RABGAP1L: variants seen among roughly 807,000 people sequenced by gnomAD.
RABGAP1L encodes rab GTPase-activating protein 1-like.
Under a neutral mutation model 137.7 loss-of-function variants are expected in RABGAP1L, and 63 were observed. That is an observed-to-expected ratio of 0.46 (90% CI 0.37 to 0.56). The LOEUF is 0.56. Ranked by LOEUF, RABGAP1L falls within the 20% of genes least tolerant of loss-of-function variation. RABGAP1L has a pLI of 0.00. For synonymous variants in RABGAP1L, 431 were observed against 433.7 expected (o/e 0.99, Z 0.08); for missense variants, 1,095 against 1,244.0 (o/e 0.88, Z 1.80).
intron 19 of RABGAP1L, among the ~76,000 whole-genome samples, chr1:174,900,006 G>A (rs1657880477): frequency 6.6e-6 from 1 of 152,120 alleles, no homozygotes; most frequent in South Asian, 2.1e-4. Context: ...ACAGAATTAT[G>A]GTTAATGAGT....
chr1:174,730,157 A>G (rs1032871968), intron 17 of RABGAP1L, among the ~76,000 whole-genome samples: 2 of 152,232 alleles, frequency 1.3e-5, no homozygotes, highest in East Asian at 3.8e-4. Context: ...TTAAAGCAAC[A>G]TGGATGCAGC....
chr1:174,907,496 G>A (rs1372322433), intron 19 of RABGAP1L, among the ~76,000 whole-genome samples: 3 of 151,768 alleles, frequency 2.0e-5, no homozygotes, highest in Admixed American at 1.3e-4. Flanking sequence ...TGTATTTTTT[G>A]TAGAGACATG....
intron 7 of RABGAP1L, among the ~76,000 whole-genome samples, chr1:174,261,104 C>T (rs184068307): frequency 4.6e-5 from 7 of 152,120 alleles, no homozygotes; most frequent in African/African-American, 1.7e-4. Context: ...TCACTCTTCT[C>T]AGGGGTCTGC....
At chr1:174,931,936 G>A (rs919984160) in intron 19 of RABGAP1L, among the ~76,000 whole-genome samples, 7 of 147,536 alleles carry the variant, frequency 4.7e-5, no homozygotes, top group Admixed American at 4.1e-4. Flanking sequence ...AGGCTTGCCT[G>A]CTTACCATTA....
At chr1:174,362,054 G>T (rs887916318) in intron 11 of RABGAP1L, among the ~76,000 whole-genome samples, 1 of 152,102 alleles carries the variant, frequency 6.6e-6, no homozygotes, top group Non-Finnish European at 1.5e-5. Context: ...CTGTTCCTGC[G>T]TTAGTTTGCT....
At position 174,448,884 on chromosome 1, in the gene RABGAP1L, G is replaced by T. The variant is rs202054709; in HGVS notation, c.1710+54739G>T. The T allele has an allele frequency of 3.6e-5, 58 of 1,613,348 alleles. No individual in the cohort carries two copies. In the East Asian group the frequency reaches 9.8e-4, roughly 27 times the overall value. ...GATTCTTCCAGAGAGACTGGACACA[G>T]CCCTGACCGTCGCTACGCCATGGTT... On this transcript the variant is annotated intron_variant, in intron 13 of 25. Coordinates refer to ENST00000681986, the MANE Select transcript of RABGAP1L (RefSeq NM_001366446.1). This position sits in a 1 kb window ranked among gnomAD's most constrained non-coding sequence, Gnocchi z 4.2.
intron 13 of RABGAP1L, among the ~76,000 whole-genome samples, chr1:174,521,153 T>A (rs1464808601): frequency 6.6e-6 from 1 of 152,184 alleles, no homozygotes; most frequent in Non-Finnish European, 1.5e-5. Flanking sequence ...AAACCTTAAT[T>A]ATAGGCTAAA....
At chr1:174,363,835 T>A (rs2148972562) in intron 11 of RABGAP1L, among the ~76,000 whole-genome samples, 1 of 151,900 alleles carries the variant, frequency 6.6e-6, no homozygotes, top group East Asian at 1.9e-4. Context: ...TCTGTTGATA[T>A]GATGGATCAC....
At chr1:174,954,455 A>C (rs1027672392) in intron 19 of RABGAP1L, among the ~76,000 whole-genome samples, 4 of 152,216 alleles carry the variant, frequency 2.6e-5, no homozygotes, top group African/African-American at 9.6e-5. Flanking sequence ...TCTTAATATA[A>C]GTAGCAAAAG....
At chr1:174,386,038 G>A (rs907440658) in intron 12 of RABGAP1L, among the ~76,000 whole-genome samples, 1 of 152,202 alleles carries the variant, frequency 6.6e-6, no homozygotes, top group Non-Finnish European at 1.5e-5. Context: ...GTCAGAGAAA[G>A]AGGACATAAT....
rs184672225 is a variant in RABGAP1L at position 174,615,811 on chromosome 1, G to A, written c.1711-21564G>A. On this transcript the variant is annotated intron_variant, in intron 13 of 25. Transcript: ENST00000681986. ...GCGCCCCTCCCCCAGCCTCGCTGCCGCCTTGCAGTTTGATCTCCGACTGTT... is the reference window on the plus strand; with the variant it reads ...GCGCCCCTCCCCCAGCCTCGCTGCCACCTTGCAGTTTGATCTCCGACTGTT... Among the ~76,000 whole-genome samples, 111 of 152,346 alleles carry A rather than the reference G, an allele frequency of 7.3e-4. 1 individual carries two copies. The highest frequency in any genetic ancestry group is 6.8e-3 in the Middle Eastern group (2 of 294).
At chr1:174,601,414 C>A (rs1670401145) in intron 13 of RABGAP1L, among the ~76,000 whole-genome samples, 1 of 152,068 alleles carries the variant, frequency 6.6e-6, no homozygotes, top group African/African-American at 2.4e-5. Flanking sequence ...CCAAACACTG[C>A]ATGTTCTCAC....
Position 174,357,074 on chromosome 1 carries a change from A to G in RABGAP1L, c.1466-13905A>G, listed in dbSNP as rs563357907. On this transcript the variant is annotated intron_variant, in intron 11 of 25. Coordinates refer to ENST00000681986, the MANE Select transcript of RABGAP1L (RefSeq NM_001366446.1). ...CAGTAAACTGCAGTAGATGAGGAAAATGTTCATGAAAGGGAGTTGAAGTTA... is the reference window on the plus strand; with the variant it reads ...CAGTAAACTGCAGTAGATGAGGAAAGTGTTCATGAAAGGGAGTTGAAGTTA... 7.9e-5 allele frequency among the ~76,000 whole-genome samples: 12 copies of G among 152,240 alleles called. 1 individual carries two copies. Among genetic ancestry groups the G allele is most frequent in the African/African-American group, 2.9e-4 (12 of 41,546 alleles).
chr1:174,271,706 T>C (rs1674571435), intron 7 of RABGAP1L, among the ~76,000 whole-genome samples: 1 of 152,026 alleles, frequency 6.6e-6, no homozygotes, highest in African/African-American at 2.4e-5. Flanking sequence ...GTTAGCTGAA[T>C]TTTAGAGCTT....
chr1:174,171,713 A>T (rs980472583), intron 1 of RABGAP1L, among the ~76,000 whole-genome samples: 1 of 150,638 alleles, frequency 6.6e-6, no homozygotes, highest in African/African-American at 2.5e-5. Flanking sequence ...AAAAAAAAAA[A>T]AGGATTTCGC....
At chr1:174,284,892 A>G (rs1250461446) in intron 10 of RABGAP1L, among the ~76,000 whole-genome samples, 1 of 151,996 alleles carries the variant, frequency 6.6e-6, no homozygotes, top group African/African-American at 2.4e-5. Context: ...TAGGGATCAC[A>G]TTGAATCTAT....
At chr1:174,352,975 G>T (rs1683324096) in intron 11 of RABGAP1L, among the ~76,000 whole-genome samples, 1 of 152,134 alleles carries the variant, frequency 6.6e-6, no homozygotes, top group South Asian at 2.1e-4. Flanking sequence ...TTGGGGAGGG[G>T]TGACACAACC....
intron 1 of RABGAP1L, among the ~76,000 whole-genome samples, chr1:174,195,078 G>A (rs1035521143): frequency 6.6e-6 from 1 of 152,240 alleles, no homozygotes; most frequent in Non-Finnish European, 1.5e-5. Context: ...TATTATATGA[G>A]TGATCTCTTT....
chr1:174,885,024 A>G (rs1654842335), intron 19 of RABGAP1L, among the ~76,000 whole-genome samples: 1 of 152,194 alleles, frequency 6.6e-6, no homozygotes, highest in Non-Finnish European at 1.5e-5. Context: ...CCTCACTTGC[A>G]ATTAGCTCTA....
Sources: gnomAD v4.1 joint callset for allele counts (sites outside exome capture counted in the v4.1 genomes callset) on GRCh38, gnomAD v4.1.1 for gene constraint, Gnocchi (gnomAD v3.1) non-coding constraint, MANE v1.5 for transcripts, NCBI Gene and HGNC (gene_info 2026-07-23, HGNC 2026-07-21) for gene names.